The following SYNJ1 variants were observed in gnomAD, a reference collection of about 807,000 sequenced individuals.
SYNJ1 encodes the protein synaptojanin 1.
SYNJ1 carries 78 observed loss-of-function variants against 168.2 expected under a neutral mutation model. That is an observed-to-expected ratio of 0.46 (90% CI 0.39 to 0.56). The LOEUF is 0.56. Among genes scored for constraint, SYNJ1 ranks in the 20% least tolerant of loss-of-function variants. The pLI is 0.00. For synonymous variants in SYNJ1, 539 were observed against 548.6 expected, an observed-to-expected ratio of 0.98 and a Z score of 0.24; for missense variants, 1,303 against 1,597.6, an observed-to-expected ratio of 0.82 and a Z score of 3.14.
rs746994334 is a variant in SYNJ1 at position 32,656,917 on chromosome 21, G to A, written c.2580-15C>T. 1.9e-6 allele frequency: 3 copies of A among 1,612,028 alleles called. No homozygotes were observed. The highest frequency in any genetic ancestry group is 1.7e-5 in the Admixed American group (1 of 59,490). On this transcript the variant is annotated splice_polypyrimidine_tract_variant and intron_variant, in intron 20 of 32. Transcript: ENST00000674351. ...CAACGACAGGCCTTAAGGCATAAAG[G>A]AAGATAGATGTATTAGAAATGTTTT...
chr21:32,678,928 T>C (rs532588579), intron 11 of SYNJ1, 127 bp from the exon 12 acceptor site: 1 of 1,233,342 alleles, frequency 8.1e-7, no homozygotes, highest in Admixed American at 3.0e-5. Flanking sequence ...CTAATCGTTC[T>C]ATTTTGAATA....
At chr21:32,728,162 T>G (rs2043566786), upstream of SYNJ1, 3 of 1,218,226 alleles carry the variant, frequency 2.5e-6, no homozygotes, top group Non-Finnish European at 3.3e-6. Context: ...GGCCCCAGCC[T>G]CAGTCTCCAG....
At position 32,707,283 on chromosome 21, in the gene SYNJ1, C is replaced by CG. The variant is rs2042644716; in HGVS notation, c.125-5237_125-5236insC. Among the ~76,000 whole-genome samples, 3 of 130,592 alleles carry CG rather than the reference C, an allele frequency of 2.3e-5. No individual in the cohort carries two copies. The East Asian group carries it at 6.4e-4, about 28-fold the overall frequency. 85.7% of individuals were successfully genotyped at this position (130,592 alleles called of 152,430 possible). A position where few individuals can be genotyped will look rare whatever the true frequency, so the allele number is the denominator to read the frequency against. On this transcript the variant is annotated intron_variant, in intron 2 of 32. Transcript: ENST00000674351. ...AGAAACTAAGTCTTATTTCTTTTTC[C>CG]TTTTTTTTTTTTTTTTTTTTTGAGA... is the stretch of plus-strand genomic sequence containing the variant.
chr21:32,665,242 A>C (rs951274442), intron 17 of SYNJ1, among the ~76,000 whole-genome samples, 171 bp from the exon 18 acceptor site: 1 of 152,242 alleles, frequency 6.6e-6, no homozygotes, highest in African/African-American at 2.4e-5. Context: ...AAAATCACTA[A>C]GCCCAGAGAA....
intron 2 of SYNJ1, among the ~76,000 whole-genome samples, chr21:32,722,811 C>A (rs1410538299): frequency 6.6e-6 from 1 of 152,152 alleles, no homozygotes; most frequent in Non-Finnish European, 1.5e-5. Flanking sequence ...AGGCACTATA[C>A]TCAAAGTGCT....
rs767760891 is a variant in SYNJ1, at chr21:32,646,583, A to G, written c.3057T>C (p.Ser1019=). The G allele has an allele frequency of 6.2e-6, 10 of 1,614,054 alleles. No homozygotes were observed. The highest frequency in any genetic ancestry group is 7.6e-6 in the Non-Finnish European group (9 of 1,180,004). ...FDMEGDVDDY[S]AEVEELLPQH... ...GAGGAAGAAGTTCCTCCACTTCAGCACTATAGTCATCAACATCACCTAAGG... is the reference window on the plus strand; with the variant it reads ...GAGGAAGAAGTTCCTCCACTTCAGCGCTATAGTCATCAACATCACCTAAGG... The change falls in exon 24 of 33, where the codon AGT becomes AGC. Residue 1019 remains serine (S), a synonymous_variant. Transcript: ENST00000674351.
intron 2 of SYNJ1, among the ~76,000 whole-genome samples, chr21:32,714,124 A>T (rs540068588): frequency 1.1e-4 from 16 of 152,342 alleles, no homozygotes; most frequent in Non-Finnish European, 4.4e-5. Flanking sequence ...TTTTAAAAAA[A>T]TACATTTGAG....
intron 15 of SYNJ1, among the ~76,000 whole-genome samples, chr21:32,669,662 T>C (rs1415987056): frequency 6.6e-6 from 1 of 152,220 alleles, no homozygotes; most frequent in Non-Finnish European, 1.5e-5. Flanking sequence ...TAGTGTCTTA[T>C]CCACACACTA....
intron 15 of SYNJ1, among the ~76,000 whole-genome samples, chr21:32,667,161 A>G (rs2040971503): frequency 1.3e-5 from 2 of 152,148 alleles, no homozygotes; most frequent in Admixed American, 6.5e-5. Context: ...TTTAAAAAAT[A>G]TTTAATATTT....
rs2040029854 is a variant in SYNJ1 at position 32,645,670 on chromosome 21, G to C, written c.3367C>G (p.Pro1123Ala). The C allele has an allele frequency of 2.6e-6, 4 of 1,525,136 alleles. No homozygotes were observed. The highest frequency in any genetic ancestry group is 3.5e-6 in the Non-Finnish European group (4 of 1,141,830). The allele number at this position is 1,525,136 out of a possible 1,614,324, so 94.5% of individuals were successfully genotyped here. A position where few individuals can be genotyped will look rare whatever the true frequency, so the allele number is the denominator to read the frequency against. ...CCTGAAGGCGGAGGAGGTCTCTGTGGGGGAGCCGGGCGTGTGGGAGGGGCG... is the reference window on the plus strand; with the variant it reads ...CCTGAAGGCGGAGGAGGTCTCTGTGCGGGAGCCGGGCGTGTGGGAGGGGCG... ...PVAPPTRPAP[P>A]QRPPPPSGAR... Residue 1123 changes from proline to alanine, a missense_variant, in exon 25 of 33, where the codon CCA becomes GCA. Coordinates refer to ENST00000674351, the MANE Select transcript of SYNJ1 (RefSeq NM_203446.3).
At chr21:32,636,440 C>G (rs1412228730) in intron 31 of SYNJ1, among the ~76,000 whole-genome samples, 1 of 151,900 alleles carries the variant, frequency 6.6e-6, no homozygotes, top group Non-Finnish European at 1.5e-5. Flanking sequence ...GTTTTAAATA[C>G]CTTGTAGATT....
chr21:32,655,939 T>A (rs1350931697), intron 21 of SYNJ1, among the ~76,000 whole-genome samples: 1 of 152,202 alleles, frequency 6.6e-6, no homozygotes, highest in Admixed American at 6.5e-5. Context: ...ACATCTCTGT[T>A]AGAAATTAAA....
At position 32,699,953 on chromosome 21, in the gene SYNJ1, C is replaced by A. The variant is rs1238291977; in HGVS notation, c.364G>T (p.Val122Phe). 1 of 1,614,178 alleles carries A rather than the reference C, an allele frequency of 6.2e-7. No individual in the cohort carries two copies. The highest frequency in any genetic ancestry group is 2.2e-5 in the East Asian group (1 of 44,886). Residue 122 changes from valine to phenylalanine, a missense_variant, in exon 4 of 33, where the codon GTT becomes TTT. Physicochemically the swap from Val to Phe is conservative, Grantham distance 50 (BLOSUM62 -1). This residue lies in a region of SYNJ1 where 920 missense variants were observed against 1,208.8 expected (regional missense o/e 0.76). Coordinates refer to ENST00000674351, the MANE Select transcript of SYNJ1 (RefSeq NM_203446.3). Reference sequence around the variant, plus strand: ...AAATAAAAGTTTCCTGAATTCAAAACTTTCCGCACTTCTGAAATGCGATCC... The same window carrying A: ...AAATAAAAGTTTCCTGAATTCAAAAATTTCCGCACTTCTGAAATGCGATCC... ...DEDRISEVRK[V>F]LNSGNFYFAW...
At chr21:32,690,954 T>C (rs188683799) in intron 6 of SYNJ1, among the ~76,000 whole-genome samples, 3 of 152,356 alleles carry the variant, frequency 2.0e-5, no homozygotes, top group African/African-American at 7.2e-5. Context: ...AAAGGTATTT[T>C]TAAAAATCAT....
chr21:32,712,552 A>C (rs1432300066), intron 2 of SYNJ1, among the ~76,000 whole-genome samples: 3 of 152,200 alleles, frequency 2.0e-5, no homozygotes, highest in African/African-American at 4.8e-5. Context: ...ATTTAAGGAA[A>C]AAAAAAAAAC....
chr21:32,653,404 T>C (rs567619262), intron 21 of SYNJ1, 38 bp from the exon 22 acceptor site: 4 of 1,473,256 alleles, frequency 2.7e-6, no homozygotes, highest in South Asian at 2.3e-5. Flanking sequence ...ATTAATACCA[T>C]AGACATAACA....
chr21:32,705,985 TCAA>T (rs369299314), intron 2 of SYNJ1, among the ~76,000 whole-genome samples: 1 of 151,914 alleles, frequency 6.6e-6, no homozygotes, highest in African/African-American at 2.4e-5. Context: ...AAACCCTGTC[TCAA>T]CAACAACAGC....
intron 3 of SYNJ1, 76 bp downstream of exon 3, chr21:32,701,885 C>A: frequency 9.3e-7 from 1 of 1,069,876 alleles, no homozygotes; most frequent in South Asian, 1.9e-5. Flanking sequence ...TAATTCATAG[C>A]TAGTCCCTCT....
intron 18 of SYNJ1, among the ~76,000 whole-genome samples, chr21:32,659,556 T>C (rs919761234): frequency 1.3e-5 from 2 of 152,198 alleles, no homozygotes; most frequent in South Asian, 2.1e-4. Context: ...CAGGCCTGTA[T>C]GGAAAAGCAT....
Sources: allele counts gnomAD v4.1 joint callset (sites outside exome capture counted in the v4.1 genomes callset), GRCh38; gene constraint gnomAD v4.1.1; regional missense constraint gnomAD v4.1.1; transcripts MANE v1.5; gene names NCBI Gene and HGNC (gene_info 2026-07-23, HGNC 2026-07-21).